STAT4: variants seen among roughly 807,000 people sequenced by gnomAD.
STAT4 encodes the protein signal transducer and activator of transcription 4.
In STAT4, 42 loss-of-function variants were observed where a neutral mutation model predicts 110.5. That is an observed-to-expected ratio of 0.38 (90% CI 0.30 to 0.49). The LOEUF is 0.49. Among genes scored for constraint, STAT4 ranks in the 20% least tolerant of loss-of-function variants. The pLI, the probability that STAT4 is intolerant of heterozygous loss-of-function variation, is 0.95. For missense variants in STAT4, 632 were observed against 887.9 expected (o/e 0.71, Z 3.66); for synonymous variants, 284 against 302.2 (o/e 0.94, Z 0.63).
At chr2:191,133,680 T>A (rs1392558907) in intron 3 of STAT4, among the ~76,000 whole-genome samples, 1 of 151,742 alleles carries the variant, frequency 6.6e-6, no homozygotes, top group Non-Finnish European at 1.5e-5. Flanking sequence ...TTATTTTTCT[T>A]AAGTCATTCT....
chr2:191,065,036 C>T (rs981955233), intron 7 of STAT4, 78 bp from the exon 8 acceptor site: 18 of 1,383,572 alleles, frequency 1.3e-5, no homozygotes, highest in Non-Finnish European at 1.7e-5. Flanking sequence ...AACTATTTGA[C>T]CTGGTAGACA....
intron 15 of STAT4, among the ~76,000 whole-genome samples, chr2:191,040,587 G>A (rs1245725086): frequency 1.3e-5 from 2 of 151,592 alleles, no homozygotes; most frequent in Non-Finnish European, 2.9e-5. Context: ...TTTGAGACTA[G>A]GTCTCACTCT....
intron 7 of STAT4, among the ~76,000 whole-genome samples, chr2:191,065,840 T>C (rs971854811): frequency 6.6e-6 from 1 of 152,174 alleles, no homozygotes. Flanking sequence ...TTCAATTGCA[T>C]GTATTTTTCA....
In STAT4 at chr2:191,135,392, G is replaced by C. The variant is rs1018722143; in HGVS notation, c.273+11221C>G. On this transcript the variant is annotated intron_variant, in intron 3 of 23. Transcript: ENST00000392320. This position sits in a 1 kb window ranked among gnomAD's most constrained non-coding sequence, Gnocchi z 4.8. ...CCTGAACAGACTAATAATGAGTAAG[G>C]AGATTGAATTAGTAAGTCTTCTGAC... 6.6e-6 allele frequency among the ~76,000 whole-genome samples: 1 copy of C among 152,192 alleles called. No individual in the cohort carries two copies. The highest frequency in any genetic ancestry group is 1.5e-5 in the Non-Finnish European group (1 of 68,034).
intron 3 of STAT4, among the ~76,000 whole-genome samples, chr2:191,118,885 C>A (rs928964293): frequency 5.3e-5 from 8 of 152,094 alleles, no homozygotes; most frequent in Admixed American, 6.6e-5. Context: ...CAGCTTCTCA[C>A]GGAGCTGGAA....
rs915267778 is a variant in STAT4 at position 191,135,361 on chromosome 2, A to G, written c.273+11252T>C. ...AAGATTGAATCAGGAAAAAAGCCCA[A>G]AAAGACCTGAACAGACTAATAATGA... On this transcript the variant is annotated intron_variant, in intron 3 of 23. Coordinates refer to ENST00000392320, the MANE Select transcript of STAT4 (RefSeq NM_003151.4). This position sits in a 1 kb window ranked among gnomAD's most constrained non-coding sequence, Gnocchi z 4.8. 6.6e-6 allele frequency among the ~76,000 whole-genome samples: 1 copy of G among 152,224 alleles called. No individual in the cohort carries two copies. Among genetic ancestry groups the G allele is most frequent in the Admixed American group, 6.5e-5 (1 of 15,280 alleles).
chr2:191,030,714 G>A lies in STAT4; in HGVS notation c.2220+258C>T. Reference sequence around the variant, plus strand: ...CGATAGTGTGCTTGAGTAGGGTATAGGAATATTTTGCCCTCTGGTGGTTTC... The same window carrying A: ...CGATAGTGTGCTTGAGTAGGGTATAAGAATATTTTGCCCTCTGGTGGTTTC... On this transcript the variant is annotated intron_variant, in intron 23 of 23. Coordinates refer to ENST00000392320, the MANE Select transcript of STAT4 (RefSeq NM_003151.4). The surrounding 1 kb of genome is among the most constrained non-coding windows in gnomAD (Gnocchi z 4.4). 1 of 387,152 alleles carries A rather than the reference G, an allele frequency of 2.6e-6. No individual in the cohort carries two copies. The highest frequency in any genetic ancestry group is 2.6e-5 in the South Asian group (1 of 38,482). 24.0% of individuals were successfully genotyped at this position (387,152 alleles called of 1,614,324 possible). A position where few individuals can be genotyped will look rare whatever the true frequency, so the allele number is the denominator to read the frequency against.
In STAT4 at chr2:191,086,005, C is replaced by A. The variant is rs1697624368; in HGVS notation, c.274-9680G>T. On this transcript the variant is annotated intron_variant, in intron 3 of 23. Coordinates refer to ENST00000392320, the MANE Select transcript of STAT4 (RefSeq NM_003151.4). The surrounding 1 kb of genome is among the most constrained non-coding windows in gnomAD (Gnocchi z 5.5). ...CAAAATTTGAAACATATTTCTTTCT[C>A]CAGAATTTGGAAACTATTTGTGAGT... Among the ~76,000 whole-genome samples, 1 of 151,932 alleles carries A rather than the reference C, an allele frequency of 6.6e-6. No individual in the cohort carries two copies. The highest frequency in any genetic ancestry group is 6.6e-5 in the Admixed American group (1 of 15,244).
Position 191,033,869 on chromosome 2 carries a change from G to T in STAT4, c.1715+42C>A. ...GAAAACCAATAACAACAGAAAAAAA[G>T]AACATAATTAACTCATATGAAAAAT... On this transcript the variant is annotated intron_variant, in intron 19 of 23. Transcript: ENST00000392320. The surrounding 1 kb of genome is among the most constrained non-coding windows in gnomAD (Gnocchi z 6.9). 1 of 1,485,912 alleles carries T rather than the reference G, an allele frequency of 6.7e-7. No individual in the cohort carries two copies. Among genetic ancestry groups the T allele is most frequent in the Non-Finnish European group, 9.2e-7 (1 of 1,090,858 alleles). The allele number at this position is 1,485,912 out of a possible 1,614,324, so 92.0% of individuals were successfully genotyped here. A position where few individuals can be genotyped will look rare whatever the true frequency, so the allele number is the denominator to read the frequency against.
chr2:191,075,609 T>C (rs7562558), intron 4 of STAT4, among the ~76,000 whole-genome samples: 150,139 of 152,238 alleles, frequency 0.99, 74,066 homozygotes, highest in Middle Eastern at 1. Context: ...ATTGTAGGAC[T>C]CTGGAACAGA....
Position 191,088,749 on chromosome 2 carries a change from T to C in STAT4, c.274-12424A>G, listed in dbSNP as rs193187700. Among the ~76,000 whole-genome samples the C allele has an allele frequency of 4.6e-5, 7 of 152,264 alleles. No individual in the cohort carries two copies. In the East Asian group the frequency reaches 1.3e-3, roughly 29 times the overall value. ...GGACAGATAGATCAATGGAACAGAATAGACAGTTCTGAAATGGATCCACGT... is the reference window on the plus strand; with the variant it reads ...GGACAGATAGATCAATGGAACAGAACAGACAGTTCTGAAATGGATCCACGT... On this transcript the variant is annotated intron_variant, in intron 3 of 23. Transcript: ENST00000392320.
chr2:191,146,703 T>C lies in STAT4; in HGVS notation c.183A>G (p.Leu61=), dbSNP rs767019947. The change falls in exon 3 of 24, where the codon TTA becomes TTG. Residue 61 remains leucine (L), a synonymous_variant. Transcript: ENST00000392320. This position sits in a 1 kb window ranked among gnomAD's most constrained non-coding sequence, Gnocchi z 4.5. ...TMATILLQNL[L]IQLDEQLGRV... ...GACCTAACTGTTCATCCAGTTGTAT[T>C]AACAAGTTTTGAAGAAGAATCGTTG... is the stretch of plus-strand genomic sequence containing the variant. 5.0e-6 allele frequency: 8 copies of C among 1,590,918 alleles called. No homozygotes were observed. Among genetic ancestry groups the C allele is most frequent in the African/African-American group, 2.7e-5 (2 of 73,926 alleles).
Position 191,090,464 on chromosome 2 carries a change from A to G in STAT4, c.274-14139T>C, listed in dbSNP as rs143020624. On this transcript the variant is annotated intron_variant, in intron 3 of 23. Coordinates refer to ENST00000392320, the MANE Select transcript of STAT4 (RefSeq NM_003151.4). This position sits in a 1 kb window ranked among gnomAD's most constrained non-coding sequence, Gnocchi z 4.2. ...AATTAACAATGCTCTGTTATTATTTATAATAATAATAATAATACATCTATC... is the reference window on the plus strand; with the variant it reads ...AATTAACAATGCTCTGTTATTATTTGTAATAATAATAATAATACATCTATC... Among the ~76,000 whole-genome samples, 1 of 93,838 alleles carries G rather than the reference A, an allele frequency of 1.1e-5. No homozygotes were observed. The highest frequency in any genetic ancestry group is 2.4e-5 in the Non-Finnish European group (1 of 40,872). 61.6% of individuals were successfully genotyped at this position (93,838 alleles called of 152,430 possible).
chr2:191,064,878 G>A lies in STAT4; in HGVS notation c.711C>T (p.Asp237=). ...AGGCGATTTGCTGCCGCCGCTTCCA[G>A]TCTTGCAGCTCTTCTATGAGCATGG... The part of the protein sequence containing the change: ...MNTMLIEELQ[D]WKRRQQIACI... The change falls in exon 8 of 24, where the codon GAC becomes GAT. Residue 237 remains aspartate, a synonymous_variant. Coordinates refer to ENST00000392320, the MANE Select transcript of STAT4 (RefSeq NM_003151.4). The A allele has an allele frequency of 3.1e-6, 5 of 1,613,390 alleles. No homozygotes were observed. Among genetic ancestry groups the A allele is most frequent in the Non-Finnish European group, 4.2e-6 (5 of 1,179,670 alleles).
intron 14 of STAT4, among the ~76,000 whole-genome samples, chr2:191,045,487 C>T (rs952199221): frequency 6.6e-6 from 1 of 152,028 alleles, no homozygotes; most frequent in Non-Finnish European, 1.5e-5. Context: ...ATAAAATGAG[C>T]CATGGGAACA....
intron 16 of STAT4, 119 bp from the exon 17 acceptor site, chr2:191,036,418 A>T: frequency 9.5e-7 from 1 of 1,056,904 alleles, no homozygotes; most frequent in Non-Finnish European, 1.4e-6. Context: ...GTGTTGGGTG[A>T]CTATTAGGTG....
chr2:191,069,288 T>C (rs1212969331), intron 6 of STAT4, among the ~76,000 whole-genome samples: 1 of 152,110 alleles, frequency 6.6e-6, no homozygotes, highest in African/African-American at 2.4e-5. Context: ...TCTTAGAAAA[T>C]TATATTATTA....
chr2:191,076,416 A>C (rs1372303171), intron 3 of STAT4, 91 bp from the exon 4 acceptor site: 2 of 879,110 alleles, frequency 2.3e-6, no homozygotes, highest in Non-Finnish European at 1.8e-6. Context: ...AACAACAACA[A>C]TCTCCTATTA....
chr2:191,088,873 C>G (rs1427702860), intron 3 of STAT4, among the ~76,000 whole-genome samples: 2 of 152,166 alleles, frequency 1.3e-5, no homozygotes, highest in Non-Finnish European at 2.9e-5. Flanking sequence ...GGATATTCAG[C>G]TGGATATGCA....
Sources: gnomAD v4.1 joint callset for allele counts (sites outside exome capture counted in the v4.1 genomes callset) on GRCh38, gnomAD v4.1.1 for gene constraint, Gnocchi (gnomAD v3.1) non-coding constraint, MANE v1.5 for transcripts, NCBI Gene and HGNC (gene_info 2026-07-23, HGNC 2026-07-21) for gene names.